The following SLC45A4 variants were observed in gnomAD, a reference collection of about 807,000 sequenced individuals.
SLC45A4 encodes polyamine-transporter SLC45A4.
SLC45A4 carries 32 observed loss-of-function variants against 63.7 expected under a neutral mutation model. That is an observed-to-expected ratio of 0.50 (90% CI 0.38 to 0.67). The LOEUF (loss-of-function observed/expected upper bound fraction) is 0.67. SLC45A4 is among the 30% of genes least tolerant of loss of function. The probability of loss-of-function intolerance (pLI) is 0.00; values close to 1 mark genes in which losing one functional copy is unlikely to be tolerated. For missense variants in SLC45A4, 1,027 were observed against 1,157.7 expected, an observed-to-expected ratio of 0.89 and a Z score of 1.64; for synonymous variants, 535 against 510.0, an observed-to-expected ratio of 1.05 and a Z score of -0.66.
At chr8:141,301,933 G>A (rs1419594444) in intron 1 of SLC45A4, among the ~76,000 whole-genome samples, 6 of 151,844 alleles carry the variant, frequency 4.0e-5, no homozygotes, top group African/African-American at 1.5e-4. Flanking sequence ...CTGCACTCCA[G>A]CCTGGGTGAC....
chr8:141,224,881 A>G (rs1327497851), intron 2 of SLC45A4: 1 of 152,208 alleles, frequency 6.6e-6, no homozygotes, highest in African/African-American at 2.4e-5. Flanking sequence ...TTTAATCTCT[A>G]TATGATCATT....
intron 1 of SLC45A4, among the ~76,000 whole-genome samples, chr8:141,268,602 T>C (rs1047729812): frequency 6.6e-6 from 1 of 152,202 alleles, no homozygotes; most frequent in African/African-American, 2.4e-5. Flanking sequence ...AACCTAAAAC[T>C]GCTCTAGAAA....
chr8:141,279,179 G>A (rs1829845417), intron 1 of SLC45A4, among the ~76,000 whole-genome samples: 1 of 152,242 alleles, frequency 6.6e-6, no homozygotes, highest in Admixed American at 6.5e-5. Flanking sequence ...CGATGCTCGT[G>A]GGAGCCCCTG....
chr8:141,250,268 C>A (rs1201077204), intron 2 of SLC45A4, among the ~76,000 whole-genome samples: 2 of 152,232 alleles, frequency 1.3e-5, no homozygotes, highest in African/African-American at 2.4e-5. Flanking sequence ...GAAACCATAT[C>A]TTGAGTCCTC....
chr8:141,211,679 C>T lies in SLC45A4; in HGVS notation c.2320G>A (p.Val774Ile), dbSNP rs772851152. The T allele has an allele frequency of 1.9e-5, 30 of 1,596,020 alleles. No homozygotes were observed. The highest frequency in any genetic ancestry group is 6.7e-5 in the East Asian group (3 of 44,622). The stretch of plus-strand genomic sequence containing the variant: ...AGCCAATGTGACGAGATCTGACAGA[C>T]GTCAATACCTGCAGGCGTCTACAGA... ...TESVTPAGID[V>I]CQISSHWLVP... Residue 774 changes from valine (V) to isoleucine (I), a missense_variant, in exon 9 of 9, where the codon GTC becomes ATC. Physicochemically the swap from Val to Ile is conservative, Grantham distance 29. Coordinates refer to ENST00000517878, the MANE Select transcript of SLC45A4 (RefSeq NM_001286646.2).
chr8:141,218,566 G>A lies in SLC45A4; in HGVS notation c.1074C>T (p.Arg358=). 6.2e-7 allele frequency: 1 copy of A among 1,613,564 alleles called. No individual in the cohort carries two copies. The highest frequency in any genetic ancestry group is 8.5e-7 in the Non-Finnish European group (1 of 1,179,934). ...SQELAKTKLP[R]LATFLKEAAK... ...CGGCTTCCTTGAGGAAGGTGGCCAG[G>A]CGGGGCAGCTTGGTCTTGGCGAGCT... Residue 358 remains arginine, a synonymous_variant, in exon 5 of 9, where the codon CGC becomes CGT. Transcript: ENST00000517878.
rs979936447 is a variant in SLC45A4, at chr8:141,236,258, G to A, written c.242-14493C>T. ...GCCATGTTTAACTCAACATGTAGGC[G>A]TCCAGAGAAAGCCGTCCCTGGATCT... On this transcript the variant is annotated intron_variant, in intron 2 of 8. Transcript: ENST00000517878. 2.6e-5 allele frequency among the ~76,000 whole-genome samples: 4 copies of A among 152,234 alleles called. No homozygotes were observed. The East Asian group carries it at 5.8e-4, about 22-fold the overall frequency.
chr8:141,222,336 G>A (rs887841905), intron 2 of SLC45A4, among the ~76,000 whole-genome samples: 1 of 152,240 alleles, frequency 6.6e-6, no homozygotes, highest in Non-Finnish European at 1.5e-5. Flanking sequence ...AGGCTGTTCT[G>A]TGTGGCCACT....
chr8:141,211,762 T>C (rs1589752013), intron 8 of SLC45A4, 65 bp from the exon 9 acceptor site: 1 of 1,470,336 alleles, frequency 6.8e-7, no homozygotes, highest in East Asian at 2.4e-5. Context: ...TCTGAAGCAT[T>C]CAGATAAGAC....
Position 141,211,466 on chromosome 8 carries a change from C to T in SLC45A4, c.*106G>A, listed in dbSNP as rs373305698. On this transcript the variant is annotated 3_prime_UTR_variant, in exon 9 of 9. Transcript: ENST00000517878. ...ATCACTGTCTTCTGCCCAGGCCCCC[C>T]GGACCAGCCTCCTCCCAGCTTTGGT... The T allele has an allele frequency of 5.6e-6, 9 of 1,598,762 alleles. No individual in the cohort carries two copies. Among genetic ancestry groups the T allele is most frequent in the East Asian group, 2.2e-5 (1 of 44,518 alleles).
intron 2 of SLC45A4, among the ~76,000 whole-genome samples, chr8:141,231,255 C>T (rs905020328): frequency 1.3e-5 from 2 of 152,204 alleles, no homozygotes; most frequent in Non-Finnish European, 2.9e-5. Flanking sequence ...AAGGCCTTGG[C>T]TCTGGGCTGA....
intron 1 of SLC45A4, among the ~76,000 whole-genome samples, chr8:141,283,881 T>A (rs527438226): frequency 6.6e-6 from 1 of 152,270 alleles, no homozygotes; most frequent in South Asian, 2.1e-4. Context: ...CTTAGGGACA[T>A]CAAAGCCCAG....
intron 3 of SLC45A4, among the ~76,000 whole-genome samples, chr8:141,220,913 C>A (rs1390233407): frequency 6.6e-6 from 1 of 152,264 alleles, no homozygotes; most frequent in African/African-American, 2.4e-5. Context: ...GCCGCACCCC[C>A]ACACGCAGTC....
chr8:141,272,022 C>G (rs1354835915), intron 1 of SLC45A4, among the ~76,000 whole-genome samples: 5 of 152,206 alleles, frequency 3.3e-5, no homozygotes, highest in Non-Finnish European at 7.3e-5. Flanking sequence ...CACCTGCGTA[C>G]ACACATGCAT....
chr8:141,262,142 G>A (rs1563655838), intron 1 of SLC45A4, among the ~76,000 whole-genome samples: 1 of 151,534 alleles, frequency 6.6e-6, no homozygotes, highest in Non-Finnish European at 1.5e-5. Flanking sequence ...AATAAATGGT[G>A]CTGGGAAAAC....
At chr8:141,293,043 C>A (rs182811195) in intron 1 of SLC45A4, among the ~76,000 whole-genome samples, 5 of 152,300 alleles carry the variant, frequency 3.3e-5, no homozygotes, top group South Asian at 4.1e-4. Flanking sequence ...CATGGTGACT[C>A]GAGGACAGCA....
chr8:141,220,743 C>T (rs747250776), intron 3 of SLC45A4, among the ~76,000 whole-genome samples: 3 of 152,234 alleles, frequency 2.0e-5, no homozygotes, highest in African/African-American at 4.8e-5. Flanking sequence ...GGGGCTGGGG[C>T]TCCCAAGCTG....
intron 1 of SLC45A4, among the ~76,000 whole-genome samples, chr8:141,288,284 C>A (rs905253083): frequency 1.3e-5 from 2 of 152,212 alleles, no homozygotes; most frequent in Non-Finnish European, 2.9e-5. Flanking sequence ...GCTGGCCGCT[C>A]AGTGCAAAAC....
In SLC45A4 at chr8:141,218,376, G is replaced by C. The variant is rs774008739; in HGVS notation, c.1264C>G (p.Gln422Glu). 66 of 1,608,130 alleles carry C rather than the reference G, an allele frequency of 4.1e-5. No homozygotes were observed. The Admixed American group carries it at 1.1e-3, about 26-fold the overall frequency. Residue 422 changes from glutamine to glutamate, a missense_variant, in exon 5 of 9, where the codon CAG becomes GAG. Coordinates refer to ENST00000517878, the MANE Select transcript of SLC45A4 (RefSeq NM_001286646.2). ...TAGTAGGAGAAGGTGCTGGAGGCCT[G>C]CCTGCGGAACGCGTGCCGCCGCCGC... ...MRRRRHAFRR[Q>E]ASSTFSYYGK...
Sources: gnomAD v4.1 joint callset for allele counts (sites outside exome capture counted in the v4.1 genomes callset) on GRCh38, gnomAD v4.1.1 for gene constraint, MANE v1.5 for transcripts, NCBI Gene and HGNC (gene_info 2026-07-23, HGNC 2026-07-21) for gene names.